The following HEXA variants were observed in gnomAD, a reference collection of about 807,000 sequenced individuals.
HEXA encodes the protein hexosaminidase subunit alpha.
HEXA carries 54 observed loss-of-function variants against 73.3 expected under a neutral mutation model. The observed-to-expected ratio is 0.74, with a 90% CI of 0.59 to 0.92. HEXA has a LOEUF of 0.92. Among genes scored for constraint, HEXA ranks in the 40% least tolerant of loss-of-function variants. HEXA has a pLI of 0.00. For synonymous variants in HEXA, 230 were observed against 246.9 expected, an observed-to-expected ratio of 0.93 and a Z score of 0.64; for missense variants, 649 against 653.0, an observed-to-expected ratio of 0.99 and a Z score of 0.07.
intron 1 of HEXA, among the ~76,000 whole-genome samples, chr15:72,374,551 T>A (rs199905437): frequency 1.5e-5 from 2 of 131,402 alleles, no homozygotes; most frequent in South Asian, 5.2e-4. Flanking sequence ...ATATAAAATA[T>A]TACTACAAGA....
intron 8 of HEXA, 98 bp downstream of exon 8, chr15:72,348,981 T>C (rs949273701): frequency 3.1e-6 from 3 of 974,416 alleles, no homozygotes; most frequent in Non-Finnish European, 5.0e-6. Flanking sequence ...TACAGACCCC[T>C]GAGAGCAGCA....
intron 7 of HEXA, 48 bp downstream of exon 7, chr15:72,350,457 CCTGAAGCTTCACT>C (rs2088679669): frequency 1.3e-6 from 2 of 1,574,248 alleles, no homozygotes; most frequent in South Asian, 2.2e-5. Flanking sequence ...GAGCCAGTGC[CCTGAAGCTTCACT>C]CTGAGCATAA....
intron 1 of HEXA, among the ~76,000 whole-genome samples, chr15:72,371,079 T>C (rs899687172): frequency 3.3e-5 from 5 of 152,160 alleles, no homozygotes; most frequent in African/African-American, 9.7e-5. Context: ...GCTAGCCCAA[T>C]TAAAGTGGAG....
chr15:72,374,725 C>G (rs1036133430), intron 1 of HEXA, among the ~76,000 whole-genome samples: 5 of 152,114 alleles, frequency 3.3e-5, no homozygotes, highest in African/African-American at 1.2e-4. Context: ...AATAATTATC[C>G]TCAAATACAA....
At chr15:72,353,015 G>T (rs2140326194) in intron 5 of HEXA, 53 bp downstream of exon 5, 3 of 1,074,684 alleles carry the variant, frequency 2.8e-6, no homozygotes, top group Non-Finnish European at 4.4e-6. Flanking sequence ...TCTGTCCGTT[G>T]CTCCATCACC....
chr15:72,358,398 A>G (rs1337310052), intron 1 of HEXA: 2 of 152,190 alleles, frequency 1.3e-5, no homozygotes, highest in Non-Finnish European at 2.9e-5. Flanking sequence ...ACAAAATAAG[A>G]GAGGCCACAC....
At chr15:72,352,941 G>A in intron 5 of HEXA, 127 bp downstream of exon 5, 1 of 700,140 alleles carries the variant, frequency 1.4e-6, no homozygotes, top group Non-Finnish European at 2.6e-6. Context: ...TGGGATTACA[G>A]GCATGAGCCA....
chr15:72,352,100 G>T (rs1285624721), intron 5 of HEXA, among the ~76,000 whole-genome samples: 1 of 152,172 alleles, frequency 6.6e-6, no homozygotes, highest in South Asian at 2.1e-4. Flanking sequence ...GGGACTACAG[G>T]TTTGCGCCAT....
rs769020800 is a variant in HEXA, at chr15:72,350,676, G to A, written c.673-26C>T. On this transcript the variant is annotated intron_variant, in intron 6 of 13. Coordinates refer to ENST00000268097, the MANE Select transcript of HEXA (RefSeq NM_000520.6). ...CTGAAAGGCACAAGACACCCTTCAG[G>A]TTCACACTTCCTGAAAGCTAGCAGA... is the stretch of plus-strand genomic sequence containing the variant. 3.7e-6 allele frequency: 6 copies of A among 1,613,704 alleles called. 1 individual carries two copies. The highest frequency in any genetic ancestry group is 1.7e-4 in the Middle Eastern group (1 of 6,024).
chr15:72,356,644 G>A (rs200364475), intron 1 of HEXA, 27 bp from the exon 2 acceptor site: 197 of 1,612,978 alleles, frequency 1.2e-4, no homozygotes, highest in Middle Eastern at 1.7e-4. Flanking sequence ...AGCTTGGTGC[G>A]GCCAACCTGC....
At chr15:72,364,431 G>A (rs2088890706) in intron 1 of HEXA, among the ~76,000 whole-genome samples, 1 of 152,050 alleles carries the variant, frequency 6.6e-6, no homozygotes, top group South Asian at 2.1e-4. Flanking sequence ...TAATTCCAAT[G>A]ATGAGATATA....
At chr15:72,344,268 T>C in intron 13 of HEXA, 128 bp from the exon 14 acceptor site, 1 of 709,350 alleles carries the variant, frequency 1.4e-6, no homozygotes, top group Non-Finnish European at 2.6e-6. Flanking sequence ...GTACACCAAA[T>C]GCACCTGGGA....
chr15:72,349,984 G>C (rs1243757262), intron 7 of HEXA, among the ~76,000 whole-genome samples: 1 of 152,094 alleles, frequency 6.6e-6, no homozygotes, highest in Non-Finnish European at 1.5e-5. Context: ...GGCTGGTCTT[G>C]AACTCCTGAC....
chr15:72,347,758 C>A lies in HEXA; in HGVS notation c.1074G>T (p.Thr358=). Residue 358 remains threonine (T), a splice_region_variant and synonymous_variant, in exon 10 of 14, where the codon ACG becomes ACT. Coordinates refer to ENST00000268097, the MANE Select transcript of HEXA (RefSeq NM_000520.6). ...FKQLESFYIQ[T]LLDIVSSYGK... ...CATAAGAAGAGACGATGTCCAGCAG[C>A]CTGGAGAGGAGAGGAGTGTCTAGTA... is the stretch of plus-strand genomic sequence containing the variant. 1.2e-6 allele frequency: 2 copies of A among 1,614,054 alleles called. No individual in the cohort carries two copies. The highest frequency in any genetic ancestry group is 1.7e-6 in the Non-Finnish European group (2 of 1,179,890).
intron 1 of HEXA, 164 bp from the exon 2 acceptor site, chr15:72,356,781 GTC>G: frequency 9.7e-7 from 1 of 1,032,590 alleles, no homozygotes; most frequent in Non-Finnish European, 1.5e-6. Context: ...CTGTTCAGCT[GTC>G]TCACTCTCGT....
At chr15:72,349,283 T>C in intron 7 of HEXA, 24 bp from the exon 8 acceptor site, 1 of 1,596,900 alleles carries the variant, frequency 6.3e-7, no homozygotes, top group Non-Finnish European at 8.6e-7. Context: ...AAACCCCATA[T>C]GAGTGTCACA....
At chr15:72,345,746 A>C (rs2088604370) in intron 12 of HEXA, 196 bp from the exon 13 acceptor site, 1 of 738,666 alleles carries the variant, frequency 1.4e-6, no homozygotes, top group African/African-American at 1.7e-5. Flanking sequence ...CCTTCATTAA[A>C]ATGTGGGTAG....
rs531453216 is a variant in HEXA at position 72,353,032 on chromosome 15, C to T, written c.570+36G>A. The T allele has an allele frequency of 1.6e-5, 20 of 1,246,232 alleles. No individual in the cohort carries two copies. The South Asian group carries it at 2.4e-4, about 15-fold the overall frequency. 77.2% of individuals were successfully genotyped at this position (1,246,232 alleles called of 1,614,324 possible). On this transcript the variant is annotated intron_variant, in intron 5 of 13. Coordinates refer to ENST00000268097, the MANE Select transcript of HEXA (RefSeq NM_000520.6). The stretch of plus-strand genomic sequence containing the variant: ...TGTCCGTTGCTCCATCACCCTAGAA[C>T]TCTTAAGTGTGAAGAAGGCCTTAAG...
In HEXA at chr15:72,351,121, AC is replaced by A; in HGVS notation, c.672+11del. 1 of 1,548,602 alleles carries A rather than the reference AC, an allele frequency of 6.5e-7. No homozygotes were observed. The highest frequency in any genetic ancestry group is 8.9e-7 in the Non-Finnish European group (1 of 1,120,338). On this transcript the variant is annotated intron_variant, in intron 6 of 13. Coordinates refer to ENST00000268097, the MANE Select transcript of HEXA (RefSeq NM_000520.6). ...GACCCATAAACTTGGTCTGAGTGAA[AC>A]GGGAACATACCTTTCTCATGAGCTC...
Sources: gnomAD v4.1 joint callset for allele counts (sites outside exome capture counted in the v4.1 genomes callset) on GRCh38, gnomAD v4.1.1 for gene constraint, MANE v1.5 for transcripts, NCBI Gene and HGNC (gene_info 2026-07-23, HGNC 2026-07-21) for gene names.